FGF12: variants seen among roughly 807,000 people sequenced by gnomAD.
FGF12 encodes fibroblast growth factor 12B.
A neutral mutation model predicts 23.6 loss-of-function variants in FGF12; 14 were observed. The observed-to-expected ratio is 0.59, with a 90% CI of 0.39 to 0.93. The LOEUF is 0.93. FGF12 is among the 40% of genes least tolerant of loss of function. The probability of loss-of-function intolerance (pLI) is 0.00; values close to 1 mark genes in which losing one functional copy is unlikely to be tolerated. For missense variants in FGF12, 175 were observed against 217.8 expected (o/e 0.80, Z 1.24); for synonymous variants, 62 against 77.3 (o/e 0.80, Z 1.04).
chr3:192,256,923 A>G (rs1385650686), intron 4 of FGF12, among the ~76,000 whole-genome samples: 3 of 152,096 alleles, frequency 2.0e-5, no homozygotes, highest in Admixed American at 6.6e-5. Flanking sequence ...TGTTTTCACC[A>G]TCGCTAGTTT....
chr3:192,393,867 T>TA (rs1229779815), intron 2 of FGF12, among the ~76,000 whole-genome samples: 1 of 151,794 alleles, frequency 6.6e-6, no homozygotes, highest in Non-Finnish European at 1.5e-5. Context: ...AACATTGTTT[T>TA]AAAAAAAAAT....
intron 2 of FGF12, among the ~76,000 whole-genome samples, chr3:192,567,747 T>TTC (rs1338004539): frequency 1.8e-5 from 2 of 111,716 alleles, no homozygotes; most frequent in African/African-American, 3.4e-5. Context: ...CTTTCTTTCT[T>TTC]TCTTTCTTTC....
At chr3:192,246,823 C>CA (rs749598472) in intron 4 of FGF12, among the ~76,000 whole-genome samples, 4,355 of 48,532 alleles carry the variant, frequency 0.09, 116 homozygotes, top group Middle Eastern at 0.13. Context: ...GAAACTCCGT[C>CA]AAAAAAAAAA....
rs182925658 is a variant in FGF12 at position 192,378,319 on chromosome 3, C to T, written c.14-17781G>A. On this transcript the variant is annotated intron_variant, in intron 2 of 5. Coordinates refer to ENST00000445105, the MANE Select transcript of FGF12 (RefSeq NM_004113.6). ...GAGACAGGGTTTTTGCCATGTTGCC[C>T]AGGCTGGTCTTGAACTCCTGGGCTC... Among the ~76,000 whole-genome samples, 278 of 149,800 alleles carry T rather than the reference C, an allele frequency of 1.9e-3. 4 individuals are homozygous for T. The highest frequency in any genetic ancestry group is 0.014 in the Middle Eastern group (4 of 294).
At chr3:192,180,456 T>C (rs887647917) in intron 4 of FGF12, among the ~76,000 whole-genome samples, 1 of 152,186 alleles carries the variant, frequency 6.6e-6, no homozygotes, top group Non-Finnish European at 1.5e-5. Flanking sequence ...CAATACGTAA[T>C]CATGTGTCCC....
intron 4 of FGF12, among the ~76,000 whole-genome samples, chr3:192,224,854 C>T (rs945028316): frequency 6.6e-5 from 10 of 152,180 alleles, no homozygotes; most frequent in East Asian, 1.9e-4. Flanking sequence ...CCTCTTCTTA[C>T]GCTAGTAGGT....
Position 192,360,665 on chromosome 3 carries a change from G to C in FGF12, c.14-127C>G. 2 of 667,884 alleles carry C rather than the reference G, an allele frequency of 3.0e-6. No individual in the cohort carries two copies. Among genetic ancestry groups the C allele is most frequent in the Non-Finnish European group, 5.3e-6 (2 of 375,910 alleles). 41.4% of individuals were successfully genotyped at this position (667,884 alleles called of 1,614,324 possible). A position where few individuals can be genotyped will look rare whatever the true frequency, so the allele number is the denominator to read the frequency against. On this transcript the variant is annotated intron_variant, in intron 2 of 5. Coordinates refer to ENST00000445105, the MANE Select transcript of FGF12 (RefSeq NM_004113.6). The surrounding 1 kb of genome is among the most constrained non-coding windows in gnomAD (Gnocchi z 4.3). ...GCTTAAATATTGAATTATGTATTTG[G>C]GAGTTGGGTGTTTCAGTAACATATC...
chr3:192,564,690 G>T (rs1712199757), intron 2 of FGF12, among the ~76,000 whole-genome samples: 1 of 152,204 alleles, frequency 6.6e-6, no homozygotes, highest in South Asian at 2.1e-4. Context: ...TCCCAAAATG[G>T]GCTATAGCAA....
At chr3:192,447,899 C>T (rs1049800118) in intron 2 of FGF12, among the ~76,000 whole-genome samples, 1 of 152,174 alleles carries the variant, frequency 6.6e-6, no homozygotes, top group African/African-American at 2.4e-5. Context: ...CCTTCTCAGG[C>T]AATACCCCCA....
intron 2 of FGF12, among the ~76,000 whole-genome samples, chr3:192,478,953 G>C (rs1188110003): frequency 2.0e-5 from 3 of 152,080 alleles, no homozygotes; most frequent in African/African-American, 7.2e-5. Context: ...CCACTTTTCT[G>C]CAGAACAGAC....
At chr3:192,656,799 C>G (rs1045715465) in intron 2 of FGF12, among the ~76,000 whole-genome samples, 53 of 152,184 alleles carry the variant, frequency 3.5e-4, no homozygotes, top group Non-Finnish European at 1.9e-4. Flanking sequence ...AATGTGTGGT[C>G]TGTAATCCTT....
At chr3:192,633,739 C>G (rs1715481611) in intron 2 of FGF12, among the ~76,000 whole-genome samples, 1 of 152,120 alleles carries the variant, frequency 6.6e-6, no homozygotes, top group South Asian at 2.1e-4. Flanking sequence ...TGTGACAGTC[C>G]TATATGGAGG....
At chr3:192,367,033 A>G (rs940957080) in intron 2 of FGF12, among the ~76,000 whole-genome samples, 2 of 152,232 alleles carry the variant, frequency 1.3e-5, no homozygotes, top group African/African-American at 4.8e-5. Flanking sequence ...CAGAAAAACT[A>G]CAGGTCAGAG....
At chr3:192,507,895 C>T (rs560715110) in intron 2 of FGF12, among the ~76,000 whole-genome samples, 49 of 152,310 alleles carry the variant, frequency 3.2e-4, no homozygotes, top group African/African-American at 1.2e-3. Flanking sequence ...GACTGTAACT[C>T]TGCTATCCAC....
chr3:192,529,540 G>A (rs1725035992), intron 2 of FGF12, among the ~76,000 whole-genome samples: 1 of 152,118 alleles, frequency 6.6e-6, no homozygotes, highest in Non-Finnish European at 1.5e-5. Context: ...ACATTTTAGG[G>A]TATCTTTTCA....
intron 2 of FGF12, among the ~76,000 whole-genome samples, chr3:192,628,346 T>G (rs538948544): frequency 1.3e-5 from 2 of 151,980 alleles, no homozygotes; most frequent in Admixed American, 1.3e-4. Flanking sequence ...ACACTTTTGT[T>G]TTTCTGGAAT....
intron 4 of FGF12, among the ~76,000 whole-genome samples, chr3:192,219,880 A>T (rs1298384798): frequency 6.6e-6 from 1 of 152,170 alleles, no homozygotes; most frequent in Non-Finnish European, 1.5e-5. Flanking sequence ...GTATTTGAAG[A>T]TCCTCTAACT....
At chr3:192,344,524 C>T (rs959333585) in intron 3 of FGF12, among the ~76,000 whole-genome samples, 2 of 152,122 alleles carry the variant, frequency 1.3e-5, no homozygotes, top group African/African-American at 4.8e-5. Flanking sequence ...AAGCAATTGG[C>T]CAAATAGTCC....
chr3:192,315,164 G>A (rs1425124833), intron 4 of FGF12, among the ~76,000 whole-genome samples: 1 of 152,186 alleles, frequency 6.6e-6, no homozygotes, highest in Non-Finnish European at 1.5e-5. Context: ...AAATACAGCA[G>A]ACTGTGGGCT....
Sources: allele counts gnomAD v4.1 joint callset (sites outside exome capture counted in the v4.1 genomes callset), GRCh38; gene constraint gnomAD v4.1.1; non-coding constraint Gnocchi (gnomAD v3.1); transcripts MANE v1.5; gene names NCBI Gene and HGNC (gene_info 2026-07-23, HGNC 2026-07-21).